Variants in RELN observed in about 807,000 individuals in gnomAD.
The protein encoded by RELN is reelin.
Under a neutral mutation model 427.6 loss-of-function variants are expected in RELN, and 108 were observed. That is an observed-to-expected ratio of 0.25 (90% CI 0.22 to 0.30). The LOEUF is 0.30. Ranked by LOEUF, RELN falls within the 10% of genes least tolerant of loss-of-function variation. The pLI, the probability that RELN is intolerant of heterozygous loss-of-function variation, is 1.00. For synonymous variants in RELN, 1,524 were observed against 1,513.4 expected (o/e 1.01, Z -0.16); for missense variants, 3,715 against 4,302.8 (o/e 0.86, Z 3.82).
intron 1 of RELN, among the ~76,000 whole-genome samples, chr7:103,924,508 G>C (rs991236011): frequency 1.3e-5 from 2 of 152,144 alleles, no homozygotes; most frequent in Non-Finnish European, 2.9e-5. Flanking sequence ...GCAAGGAGAG[G>C]AAAAACTGAG....
At chr7:103,527,535 A>G (rs1363015385) in intron 46 of RELN, among the ~76,000 whole-genome samples, 5 of 152,168 alleles carry the variant, frequency 3.3e-5, no homozygotes, top group Non-Finnish European at 5.9e-5. Context: ...TGTAAATATG[A>G]ACAGTTGTTA....
chr7:103,504,175 G>C (rs1032102538), intron 51 of RELN, among the ~76,000 whole-genome samples: 1 of 152,138 alleles, frequency 6.6e-6, no homozygotes, highest in Non-Finnish European at 1.5e-5. Context: ...CTGCACTCTA[G>C]CCTGGGCAAC....
chr7:103,725,078 A>G (rs1421299404), intron 7 of RELN, among the ~76,000 whole-genome samples: 1 of 152,176 alleles, frequency 6.6e-6, no homozygotes, highest in Non-Finnish European at 1.5e-5. Context: ...TCTCTCTTAA[A>G]TTATAAATAC....
At chr7:103,645,591 A>C (rs1186471195) in intron 16 of RELN, among the ~76,000 whole-genome samples, 1 of 151,938 alleles carries the variant, frequency 6.6e-6, no homozygotes, top group Admixed American at 6.6e-5. Flanking sequence ...AATCCTAAAT[A>C]CATATGCACC....
In RELN at chr7:103,750,915, G is replaced by A. The variant is rs374247992; in HGVS notation, c.578-1411C>T. Among the ~76,000 whole-genome samples the A allele has an allele frequency of 7.9e-5, 12 of 152,216 alleles. No individual in the cohort carries two copies. The South Asian group carries it at 1.2e-3, about 16-fold the overall frequency. On this transcript the variant is annotated intron_variant, in intron 5 of 64. Coordinates refer to ENST00000428762, the MANE Select transcript of RELN (RefSeq NM_005045.4). ...TATTTTTAAGTTCTAGAAGAACTTT[G>A]GGCATGTCAAGTGCAATATTTTCAC...
intron 16 of RELN, 117 bp downstream of exon 16, chr7:103,650,157 T>G (rs1584376578): frequency 1.4e-6 from 1 of 740,136 alleles, no homozygotes; most frequent in Middle Eastern, 2.5e-4. Flanking sequence ...GAAGAAAGGG[T>G]GTTTAATGAA....
At chr7:103,633,004 T>G (rs1321548917) in intron 19 of RELN, among the ~76,000 whole-genome samples, 1 of 152,100 alleles carries the variant, frequency 6.6e-6, no homozygotes, top group Non-Finnish European at 1.5e-5. Context: ...AATTTTAAAT[T>G]AATAAAAATA....
Position 103,489,722 on chromosome 7 carries a change from T to C in RELN, c.9763+20A>G. The stretch of plus-strand genomic sequence containing the variant: ...ACCTCTTGGTCTCCTCTATCAAAGT[T>C]GGCAGCCTGGGATTCAGACCTTGGA... On this transcript the variant is annotated intron_variant, in intron 60 of 64. Transcript: ENST00000428762. 6.2e-7 allele frequency: 1 copy of C among 1,613,594 alleles called. No homozygotes were observed. The highest frequency in any genetic ancestry group is 8.5e-7 in the Non-Finnish European group (1 of 1,179,822).
chr7:103,528,222 G>A (rs548768191), intron 46 of RELN, among the ~76,000 whole-genome samples: 4 of 152,286 alleles, frequency 2.6e-5, no homozygotes, highest in Admixed American at 6.5e-5. Flanking sequence ...GCTGTAAGGC[G>A]GAATGAGGAG....
chr7:103,598,727 C>G (rs1235135153), intron 24 of RELN, among the ~76,000 whole-genome samples: 1 of 152,034 alleles, frequency 6.6e-6, no homozygotes, highest in African/African-American at 2.4e-5. Flanking sequence ...GTGTTTTTTC[C>G]TAGAGAATAG....
intron 20 of RELN, among the ~76,000 whole-genome samples, chr7:103,619,826 G>A (rs1327983061): frequency 6.6e-6 from 1 of 152,060 alleles, no homozygotes; most frequent in Non-Finnish European, 1.5e-5. Context: ...AGCTCTTGTG[G>A]TGCCCGCCCA....
intron 1 of RELN, among the ~76,000 whole-genome samples, chr7:103,965,029 T>C (rs574441001): frequency 7.2e-5 from 11 of 152,360 alleles, no homozygotes; most frequent in African/African-American, 2.6e-4. Context: ...TGAAGCAATG[T>C]TGAAAACTGC....
intron 2 of RELN, among the ~76,000 whole-genome samples, chr7:103,836,415 T>C (rs1447123208): frequency 6.6e-6 from 1 of 152,220 alleles, no homozygotes; most frequent in Non-Finnish European, 1.5e-5. Context: ...ATGTGGCTCA[T>C]GGCTGCCACA....
At chr7:103,868,374 C>T (rs1264063582) in intron 2 of RELN, among the ~76,000 whole-genome samples, 1 of 152,072 alleles carries the variant, frequency 6.6e-6, no homozygotes, top group Non-Finnish European at 1.5e-5. Context: ...ATAGTATTTT[C>T]TAAACCTACC....
chr7:103,839,392 T>C (rs1042578580), intron 2 of RELN, among the ~76,000 whole-genome samples: 2 of 146,912 alleles, frequency 1.4e-5, no homozygotes, highest in Non-Finnish European at 3.0e-5. Context: ...CATGTAAACA[T>C]CATCTAGAGT....
rs758525714 is a variant in RELN at position 103,503,059 on chromosome 7, A to G, written c.8446T>C (p.Trp2816Arg). 1.9e-6 allele frequency: 3 copies of G among 1,614,064 alleles called. No homozygotes were observed. The highest frequency in any genetic ancestry group is 4.5e-5 in the East Asian group (2 of 44,870). Residue 2816 changes from tryptophan (W) to arginine (R), a missense_variant, in exon 52 of 65, where the codon TGG (tryptophan) becomes CGG (arginine). Trp to Arg is a moderately radical substitution (Grantham distance 101). Around this residue, in one of 4 missense-constraint regions of RELN, gnomAD observed 1,310 missense variants for 1,643.0 expected, o/e 0.80. Coordinates refer to ENST00000428762, the MANE Select transcript of RELN (RefSeq NM_005045.4). ...GGAAGTGGGTAGGTGATCCTTTTCC[A>G]CCCTTTAGTTGGAAAGAATACAGAT... ...QPSVFFPTKG[W>R]KRITYPLPES...
At chr7:103,837,009 C>T (rs1793426267) in intron 2 of RELN, among the ~76,000 whole-genome samples, 1 of 151,996 alleles carries the variant, frequency 6.6e-6, no homozygotes, top group Non-Finnish European at 1.5e-5. Context: ...TCCTCAATCC[C>T]CAAGATTTAA....
At position 103,905,504 on chromosome 7, in the gene RELN, G is replaced by A. The variant is rs551594504; in HGVS notation, c.337+11571C>T. On this transcript the variant is annotated intron_variant, in intron 2 of 64. Transcript: ENST00000428762. Reference sequence around the variant, plus strand: ...ATTTAGAAATATCCTCAAACTTAAAGACAGTAATACTTTCCTCCCCACCCG... The same window carrying A: ...ATTTAGAAATATCCTCAAACTTAAAAACAGTAATACTTTCCTCCCCACCCG... 6.1e-4 allele frequency among the ~76,000 whole-genome samples: 93 copies of A among 152,076 alleles called. No homozygotes were observed. The Middle Eastern group carries it at 0.024, about 39-fold the overall frequency.
chr7:103,736,697 C>T (rs1196492204), intron 6 of RELN, among the ~76,000 whole-genome samples: 2 of 152,164 alleles, frequency 1.3e-5, no homozygotes, highest in Non-Finnish European at 2.9e-5. Flanking sequence ...CCACTACATG[C>T]TGCTTGAAGA....
Sources: gnomAD v4.1 joint callset for allele counts (sites outside exome capture counted in the v4.1 genomes callset) on GRCh38, gnomAD v4.1.1 for gene constraint, gnomAD v4.1.1 regional missense constraint, MANE v1.5 for transcripts, NCBI Gene and HGNC (gene_info 2026-07-23, HGNC 2026-07-21) for gene names.